The following CSMD3 variants were observed in gnomAD, a reference collection of about 807,000 sequenced individuals.
CSMD3 encodes CUB and Sushi multiple domains 3, also known as CUB and sushi domain-containing protein 3.
A neutral mutation model predicts 435.2 loss-of-function variants in CSMD3; 177 were observed. The observed-to-expected ratio is 0.41, with a 90% CI of 0.36 to 0.46. The LOEUF (loss-of-function observed/expected upper bound fraction) is 0.46, where lower values mean the gene tolerates loss of function less well. Among genes scored for constraint, CSMD3 ranks in the 20% least tolerant of loss-of-function variants. The pLI is 0.34. For missense variants in CSMD3, 4,265 were observed against 4,504.6 expected (o/e 0.95, Z 1.52); for synonymous variants, 1,656 against 1,520.5 (o/e 1.09, Z -2.07).
chr8:112,372,970 A>AAT (rs374350164), intron 38 of CSMD3, among the ~76,000 whole-genome samples: 5,226 of 144,816 alleles, frequency 0.036, 311 homozygotes, highest in African/African-American at 0.12. Context: ...CAGCAGAAAA[A>AAT]ATATATATAT....
chr8:112,777,242 C>G (rs561178021), intron 13 of CSMD3, among the ~76,000 whole-genome samples: 107 of 151,774 alleles, frequency 7.0e-4, no homozygotes, highest in Non-Finnish European at 1.3e-3. Context: ...AAATTTTTCT[C>G]CCACATAATT....
chr8:113,207,807 T>C (rs182119632), intron 3 of CSMD3, among the ~76,000 whole-genome samples: 80 of 152,212 alleles, frequency 5.3e-4, no homozygotes, highest in Middle Eastern at 6.8e-3. Flanking sequence ...CAGGCAAAGA[T>C]AAACAACAAA....
chr8:112,275,850 C>G (rs1198404705), intron 59 of CSMD3, among the ~76,000 whole-genome samples: 1 of 152,132 alleles, frequency 6.6e-6, no homozygotes, highest in African/African-American at 2.4e-5. Context: ...GTTGGGGCTA[C>G]AGCCAAACCA....
intron 3 of CSMD3, among the ~76,000 whole-genome samples, chr8:113,177,816 A>T (rs1286204464): frequency 6.6e-6 from 1 of 152,012 alleles, no homozygotes; most frequent in Non-Finnish European, 1.5e-5. Flanking sequence ...CTCTTCTCAC[A>T]GTATTGAGAT....
intron 31 of CSMD3, among the ~76,000 whole-genome samples, chr8:112,482,614 A>T (rs1819738458): frequency 6.6e-6 from 1 of 152,164 alleles, no homozygotes. Flanking sequence ...AAAAGATCTG[A>T]ATTATTGGCA....
intron 3 of CSMD3, among the ~76,000 whole-genome samples, chr8:113,209,603 G>A (rs1049982309): frequency 6.6e-6 from 1 of 152,140 alleles, no homozygotes; most frequent in Non-Finnish European, 1.5e-5. Context: ...TGAGCTATGA[G>A]TAAAGGATTA....
intron 28 of CSMD3, among the ~76,000 whole-genome samples, chr8:112,514,225 T>C (rs1823441078): frequency 6.6e-6 from 1 of 152,142 alleles, no homozygotes; most frequent in Admixed American, 6.6e-5. Context: ...TTCAATGCTG[T>C]GGTTGATTTT....
At chr8:113,433,277 G>C (rs567468775) in intron 1 of CSMD3, among the ~76,000 whole-genome samples, 1 of 152,304 alleles carries the variant, frequency 6.6e-6, no homozygotes, top group Admixed American at 6.5e-5. Flanking sequence ...AGCTGAGACA[G>C]ATATTTTCCT....
At chr8:112,341,709 T>C (rs1563813505) in intron 41 of CSMD3, 23 bp from the exon 42 acceptor site, 1 of 1,413,638 alleles carries the variant, frequency 7.1e-7, no homozygotes, top group Non-Finnish European at 1.0e-6. Context: ...ACAAACAGAA[T>C]GCTACTTTAT....
chr8:113,115,520 A>G (rs563349419), intron 4 of CSMD3, among the ~76,000 whole-genome samples: 3 of 152,276 alleles, frequency 2.0e-5, no homozygotes, highest in Non-Finnish European at 4.4e-5. Context: ...TTATTTTTGC[A>G]TGTTTTGAAC....
rs547602428 is a variant in CSMD3, at chr8:112,836,809, G to A, written c.1756-7020C>T. On this transcript the variant is annotated intron_variant, in intron 11 of 70. Transcript: ENST00000297405. Reference sequence around the variant, plus strand: ...ATTTGAGGTTTCCCATATGTAAACTGAAGACATTCCAATGAACAAATCGTT... The same window carrying A: ...ATTTGAGGTTTCCCATATGTAAACTAAAGACATTCCAATGAACAAATCGTT... Among the ~76,000 whole-genome samples the A allele has an allele frequency of 2.6e-5, 4 of 151,854 alleles. No individual in the cohort carries two copies. The South Asian group carries it at 8.3e-4, about 32-fold the overall frequency.
chr8:112,499,266 G>GA (rs779506756), intron 30 of CSMD3, among the ~76,000 whole-genome samples: 5 of 151,902 alleles, frequency 3.3e-5, no homozygotes, highest in East Asian at 1.9e-4. Flanking sequence ...CAAAAAACCA[G>GA]AAAAAAATGC....
At chr8:112,734,886 A>G (rs2077152904) in intron 13 of CSMD3, among the ~76,000 whole-genome samples, 1 of 151,960 alleles carries the variant, frequency 6.6e-6, no homozygotes, top group South Asian at 2.1e-4. Flanking sequence ...TCCTTCTATC[A>G]TACTCATTTT....
chr8:112,639,659 T>C (rs183485784), intron 20 of CSMD3, among the ~76,000 whole-genome samples: 3 of 152,264 alleles, frequency 2.0e-5, no homozygotes, highest in Non-Finnish European at 4.4e-5. Context: ...ATATATTTTG[T>C]AGTTTATAGA....
intron 5 of CSMD3, among the ~76,000 whole-genome samples, chr8:113,075,004 G>T (rs1318344687): frequency 6.6e-6 from 1 of 151,486 alleles, no homozygotes; most frequent in East Asian, 1.9e-4. Context: ...ATAATTTTTT[G>T]TAGGCTTTTG....
chr8:112,537,878 T>C (rs1211073136), intron 27 of CSMD3, among the ~76,000 whole-genome samples: 1 of 152,082 alleles, frequency 6.6e-6, no homozygotes, highest in African/African-American at 2.4e-5. Context: ...ACTCATTCTA[T>C]GAGGCCAATT....
At chr8:112,494,229 A>G (rs1466735846) in intron 30 of CSMD3, among the ~76,000 whole-genome samples, 1 of 152,046 alleles carries the variant, frequency 6.6e-6, no homozygotes, top group African/African-American at 2.4e-5. Flanking sequence ...TAATTTTAAT[A>G]GAATAACAGA....
At chr8:112,917,825 A>T (rs1003465915) in intron 10 of CSMD3, among the ~76,000 whole-genome samples, 3 of 152,014 alleles carry the variant, frequency 2.0e-5, no homozygotes, top group Non-Finnish European at 2.9e-5. Context: ...CTCACTCTAC[A>T]TCCTTTCATA....
chr8:112,347,800 T>C (rs1196052477), intron 40 of CSMD3, among the ~76,000 whole-genome samples: 1 of 152,230 alleles, frequency 6.6e-6, no homozygotes, highest in African/African-American at 2.4e-5. Context: ...AACAATAGTT[T>C]GCTCAATTAA....
Sources: gnomAD v4.1 joint callset for allele counts (sites outside exome capture counted in the v4.1 genomes callset) on GRCh38, gnomAD v4.1.1 for gene constraint, MANE v1.5 for transcripts, NCBI Gene and HGNC (gene_info 2026-07-23, HGNC 2026-07-21) for gene names.